PTPRC: variants seen among roughly 807,000 people sequenced by gnomAD.
PTPRC encodes the protein protein tyrosine phosphatase receptor type C, also known as receptor-type tyrosine-protein phosphatase C.
In PTPRC, 44 loss-of-function variants were observed where a neutral mutation model predicts 155.9. The ratio of observed to expected loss-of-function variants is 0.28; its 90% CI spans 0.22 to 0.36. The LOEUF (loss-of-function observed/expected upper bound fraction) is 0.36, where lower values mean the gene tolerates loss of function less well. Ranked by LOEUF, PTPRC falls within the 10% of genes least tolerant of loss-of-function variation. PTPRC has a pLI of 1.00. For synonymous variants in PTPRC, 525 were observed against 533.1 expected, an observed-to-expected ratio of 0.98 and a Z score of 0.21; for missense variants, 1,401 against 1,564.6, an observed-to-expected ratio of 0.90 and a Z score of 1.76.
chr1:198,729,496 GC>G (rs1654292934), intron 17 of PTPRC, among the ~76,000 whole-genome samples: 1 of 152,060 alleles, frequency 6.6e-6, no homozygotes, highest in Non-Finnish European at 1.5e-5. Flanking sequence ...ACCCACCTTG[GC>G]CTCCCAAAGT....
intron 6 of PTPRC, 33 bp from the exon 7 acceptor site, chr1:198,703,265 T>A: frequency 6.2e-7 from 1 of 1,611,452 alleles, no homozygotes; most frequent in Non-Finnish European, 8.5e-7. Flanking sequence ...AACGAATTAA[T>A]TAGCTTTTAT....
Position 198,718,084 on chromosome 1 carries a change from A to AT in PTPRC, c.1451-6dup, listed in dbSNP as rs1334985231. 1.3e-6 allele frequency: 2 copies of AT among 1,595,072 alleles called. No individual in the cohort carries two copies. Among genetic ancestry groups the AT allele is most frequent in the Non-Finnish European group, 1.7e-6 (2 of 1,162,776 alleles). ...AATTATTAATAACAAATCTTTCTTC[A>AT]TTTTGATAGCTCCAAGCCAGGTCTG... On this transcript the variant is annotated splice_polypyrimidine_tract_variant and intron_variant, in intron 13 of 32. Coordinates refer to ENST00000442510, the MANE Select transcript of PTPRC (RefSeq NM_002838.5).
At chr1:198,673,694 T>C (rs952036266) in intron 2 of PTPRC, among the ~76,000 whole-genome samples, 3 of 152,202 alleles carry the variant, frequency 2.0e-5, no homozygotes, top group African/African-American at 7.2e-5. Context: ...CCTCCAGTGA[T>C]ACTATGGAAA....
chr1:198,666,565 T>C (rs1446280302), intron 2 of PTPRC, among the ~76,000 whole-genome samples: 2 of 152,200 alleles, frequency 1.3e-5, no homozygotes, highest in African/African-American at 4.8e-5. Context: ...TAATATATGA[T>C]GTGATATAAC....
At chr1:198,747,623 A>T (rs1395430741) in intron 26 of PTPRC, among the ~76,000 whole-genome samples, 1 of 151,896 alleles carries the variant, frequency 6.6e-6, no homozygotes, top group Non-Finnish European at 1.5e-5. Flanking sequence ...TATAGAAATG[A>T]TGGATCTTTT....
At chr1:198,663,229 C>T (rs1216116583) in intron 2 of PTPRC, among the ~76,000 whole-genome samples, 1 of 152,228 alleles carries the variant, frequency 6.6e-6, no homozygotes, top group Non-Finnish European at 1.5e-5. Flanking sequence ...CTGCTTCCCT[C>T]TATTCCTTGC....
In PTPRC at chr1:198,749,425, A is replaced by G. The variant is rs772754968; in HGVS notation, c.2948A>G (p.Asn983Ser). The change falls in exon 28 of 33, where the codon AAC becomes AGC. Residue 983 changes from asparagine (N) to serine (S), a missense_variant. Coordinates refer to ENST00000442510, the MANE Select transcript of PTPRC (RefSeq NM_002838.5). ...RNSNVIPYDY[N>S]RVPLKHELEM... The stretch of plus-strand genomic sequence containing the variant: ...GATTTATTTCACATAGATGACTATA[A>G]CAGAGTGCCACTTAAACATGAGCTG... The G allele has an allele frequency of 1.9e-6, 3 of 1,608,962 alleles. No homozygotes were observed. The South Asian group carries it at 3.3e-5, about 18-fold the overall frequency.
intron 29 of PTPRC, among the ~76,000 whole-genome samples, chr1:198,751,421 A>G (rs1322204112): frequency 6.6e-6 from 1 of 152,024 alleles, no homozygotes; most frequent in Non-Finnish European, 1.5e-5. Context: ...GAATAACCTT[A>G]TAAGTATGCA....
chr1:198,646,865 T>G (rs936020469), intron 2 of PTPRC, among the ~76,000 whole-genome samples: 4 of 151,900 alleles, frequency 2.6e-5, no homozygotes, highest in Admixed American at 6.6e-5. Context: ...CTTCTCAATG[T>G]AAAATAGTGT....
At chr1:198,676,788 C>A (rs1202709617) in intron 2 of PTPRC, among the ~76,000 whole-genome samples, 1 of 152,218 alleles carries the variant, frequency 6.6e-6, no homozygotes, top group African/African-American at 2.4e-5. Context: ...GCATATTCAA[C>A]TTAAGGGGCA....
At chr1:198,653,447 A>T (rs1391253588) in intron 2 of PTPRC, among the ~76,000 whole-genome samples, 2 of 151,870 alleles carry the variant, frequency 1.3e-5, no homozygotes, top group East Asian at 1.9e-4. Flanking sequence ...AATCTTGATT[A>T]AAAAAACAAG....
At chr1:198,669,475 T>G (rs115039174) in intron 2 of PTPRC, among the ~76,000 whole-genome samples, 1 of 152,268 alleles carries the variant, frequency 6.6e-6, no homozygotes, top group African/African-American at 2.4e-5. Context: ...TTGAAAAAAA[T>G]GTATTATTAG....
intron 3 of PTPRC, chr1:198,693,048 A>G (rs1481171921): frequency 1.0e-6 from 1 of 975,122 alleles, no homozygotes; most frequent in African/African-American, 1.8e-5. Flanking sequence ...CTGCATAATC[A>G]TATGGTTGAC....
At chr1:198,728,571 G>T (rs1365069772) in intron 16 of PTPRC, 123 bp downstream of exon 16, 1 of 1,154,764 alleles carries the variant, frequency 8.7e-7, no homozygotes, top group Non-Finnish European at 1.2e-6. Context: ...ACAGCATACA[G>T]CCCACTTCAT....
intron 15 of PTPRC, among the ~76,000 whole-genome samples, chr1:198,723,621 A>G (rs1394744949): frequency 1.3e-5 from 2 of 152,240 alleles, no homozygotes; most frequent in Admixed American, 1.3e-4. Context: ...TAAATAATTT[A>G]TAGCAGTCAT....
intron 4 of PTPRC, among the ~76,000 whole-genome samples, chr1:198,699,014 C>A (rs12134491): frequency 0.015 from 2,249 of 152,176 alleles, 23 homozygotes; most frequent in Non-Finnish European, 0.016. Context: ...TATTATCAAC[C>A]TTTTAAAACT....
chr1:198,662,260 C>G (rs1443980510), intron 2 of PTPRC, among the ~76,000 whole-genome samples: 1 of 152,104 alleles, frequency 6.6e-6, no homozygotes, highest in Non-Finnish European at 1.5e-5. Flanking sequence ...TTTATTCACT[C>G]TTCTAATTCT....
intron 2 of PTPRC, chr1:198,679,515 G>C: frequency 7.0e-6 from 1 of 142,080 alleles, no homozygotes; most frequent in Non-Finnish European, 1.5e-5. Context: ...TGATCCACCC[G>C]CCCCAGCCTC....
chr1:198,732,696 A>G (rs552481479), intron 20 of PTPRC, 140 bp downstream of exon 20: 1 of 661,144 alleles, frequency 1.5e-6, no homozygotes, highest in Non-Finnish European at 2.6e-6. Context: ...AATTATCAAT[A>G]TTAGCAAGGA....
Sources: allele counts gnomAD v4.1 joint callset (sites outside exome capture counted in the v4.1 genomes callset), GRCh38; gene constraint gnomAD v4.1.1; transcripts MANE v1.5; gene names NCBI Gene and HGNC (gene_info 2026-07-23, HGNC 2026-07-21).